The following CFAP44 variants were observed in gnomAD, a reference collection of about 807,000 sequenced individuals.
CFAP44 encodes cilia and flagella associated protein 44, also known as cilia- and flagella-associated protein 44.
In CFAP44, 134 loss-of-function variants were observed where a neutral mutation model predicts 216.2. The ratio of observed to expected loss-of-function variants is 0.62; its 90% CI spans 0.54 to 0.72. The LOEUF (loss-of-function observed/expected upper bound fraction) is 0.72, where lower values mean the gene tolerates loss of function less well. CFAP44 is among the 30% of genes least tolerant of loss of function. The pLI is 0.00. For missense variants in CFAP44, 2,035 were observed against 2,182.1 expected, an observed-to-expected ratio of 0.93 and a Z score of 1.34; for synonymous variants, 700 against 727.6, an observed-to-expected ratio of 0.96 and a Z score of 0.61.
In CFAP44 at chr3:113,373,420, A is replaced by G. The variant is rs562228727; in HGVS notation, c.2435T>C (p.Ile812Thr). 1.3e-6 allele frequency: 2 copies of G among 1,570,514 alleles called. No individual in the cohort carries two copies. The highest frequency in any genetic ancestry group is 8.6e-7 in the Non-Finnish European group (1 of 1,156,908). ...ADTEDNPIQT[I>T]TFNINKVMMF... The stretch of plus-strand genomic sequence containing the variant: ...TTGAAATACTGCTCACTTGAAAGTG[A>G]TAGTTTGGATGGGATTGTCCTCTGT... The change falls in exon 18 of 35, where the codon ATC (isoleucine) becomes ACC (threonine). Residue 812 changes from isoleucine (I) to threonine (T), a missense_variant. By Grantham distance (89) the Ile-to-Thr change is moderately conservative. Transcript: ENST00000393845.
intron 2 of CFAP44, among the ~76,000 whole-genome samples, chr3:113,428,354 C>T (rs1004182438): frequency 2.0e-5 from 3 of 152,048 alleles, no homozygotes; most frequent in Admixed American, 6.6e-5. Flanking sequence ...AAGGAGAAGA[C>T]GTAATAAAAA....
At chr3:113,375,102 T>G (rs1402025309) in intron 17 of CFAP44, among the ~76,000 whole-genome samples, 1 of 152,058 alleles carries the variant, frequency 6.6e-6, no homozygotes, top group Admixed American at 6.6e-5. Context: ...AGATACTATA[T>G]AATTTCACTT....
At chr3:113,401,419 T>C in intron 10 of CFAP44, 132 bp from the exon 11 acceptor site, 1 of 1,200,576 alleles carries the variant, frequency 8.3e-7, no homozygotes, top group Non-Finnish European at 1.2e-6. Flanking sequence ...TAAAGTATAA[T>C]TGAAATTTAA....
intron 17 of CFAP44, among the ~76,000 whole-genome samples, chr3:113,375,817 T>C (rs1312962422): frequency 6.6e-6 from 1 of 151,840 alleles, no homozygotes; most frequent in Admixed American, 6.6e-5. Context: ...TGAGTGAGAC[T>C]CTGTCTCAAA....
chr3:113,310,889 G>A (rs765703270), intron 28 of CFAP44, among the ~76,000 whole-genome samples: 4 of 152,170 alleles, frequency 2.6e-5, no homozygotes, highest in Non-Finnish European at 4.4e-5. Flanking sequence ...TTTGGCTTCT[G>A]ATGTGAGTTA....
At chr3:113,378,256 C>G (rs79278347) in intron 17 of CFAP44, among the ~76,000 whole-genome samples, 12,614 of 152,162 alleles carry the variant, frequency 0.083, 640 homozygotes, top group East Asian at 0.15. Flanking sequence ...TTCCTGAAGG[C>G]AGGAACCATG....
intron 34 of CFAP44, 45 bp from the exon 35 acceptor site, chr3:113,291,793 T>G (rs1239830116): frequency 3.9e-6 from 6 of 1,529,524 alleles, no homozygotes; most frequent in Non-Finnish European, 4.4e-6. Context: ...ATTTGGCATG[T>G]GAAAAACTCC....
intron 1 of CFAP44, among the ~76,000 whole-genome samples, chr3:113,439,425 G>C (rs757633486): frequency 9.2e-5 from 14 of 152,112 alleles, no homozygotes; most frequent in Non-Finnish European, 1.8e-4. Context: ...CCCAACAATT[G>C]CCTGTCCAAC....
At chr3:113,301,925 T>A (rs1358654661) in intron 32 of CFAP44, among the ~76,000 whole-genome samples, 1 of 152,186 alleles carries the variant, frequency 6.6e-6, no homozygotes, top group Non-Finnish European at 1.5e-5. Context: ...CTCCCCAAAC[T>A]GTACCCCAGC....
At chr3:113,419,746 CTA>C (rs1934757053) in intron 5 of CFAP44, among the ~76,000 whole-genome samples, 1 of 152,196 alleles carries the variant, frequency 6.6e-6, no homozygotes, top group East Asian at 1.9e-4. Context: ...ACTTGCACGA[CTA>C]TGGGGAAGTC....
chr3:113,298,498 G>A (rs1033543497), intron 32 of CFAP44, among the ~76,000 whole-genome samples: 4 of 152,146 alleles, frequency 2.6e-5, no homozygotes, highest in Admixed American at 2.6e-4. Flanking sequence ...ATATCCAAAA[G>A]AAATGGAAGC....
At chr3:113,383,537 G>C (rs934444675) in intron 15 of CFAP44, among the ~76,000 whole-genome samples, 2 of 152,114 alleles carry the variant, frequency 1.3e-5, no homozygotes, top group Admixed American at 1.3e-4. Context: ...TAAACATTCA[G>C]TCCATAGTAT....
intron 34 of CFAP44, among the ~76,000 whole-genome samples, chr3:113,291,980 T>G (rs1430241772): frequency 6.6e-6 from 1 of 152,194 alleles, no homozygotes; most frequent in East Asian, 1.9e-4. Flanking sequence ...TGAGTACACT[T>G]TAAGCTAGCT....
chr3:113,423,795 C>T (rs74681966), intron 4 of CFAP44, among the ~76,000 whole-genome samples: 6,214 of 152,252 alleles, frequency 0.041, 414 homozygotes, highest in African/African-American at 0.14. Context: ...TTCAAGAATT[C>T]GGCAGCCTTC....
chr3:113,369,548 G>C (rs911037846), intron 18 of CFAP44, among the ~76,000 whole-genome samples: 1 of 152,194 alleles, frequency 6.6e-6, no homozygotes, highest in South Asian at 2.1e-4. Context: ...AGGACACAAC[G>C]TACCAGAATC....
intron 24 of CFAP44, among the ~76,000 whole-genome samples, chr3:113,339,431 A>G (rs1950310482): frequency 6.6e-6 from 1 of 152,202 alleles, no homozygotes; most frequent in Admixed American, 6.5e-5. Flanking sequence ...TGAGCTGGCC[A>G]TAGGTACCAC....
At chr3:113,303,463 A>G (rs7618847) in intron 32 of CFAP44, among the ~76,000 whole-genome samples, 38,044 of 151,988 alleles carry the variant, frequency 0.25, 4,970 homozygotes, top group African/African-American at 0.32. Flanking sequence ...AAATGATATA[A>G]ATATCATTTT....
chr3:113,439,302 T>G lies in CFAP44; in HGVS notation c.-6+2151A>C, dbSNP rs752220399. Among the ~76,000 whole-genome samples the G allele has an allele frequency of 6.0e-4, 91 of 152,000 alleles. 3 individuals are homozygous for G. Among genetic ancestry groups the G allele is most frequent in the Non-Finnish European group, 1.9e-4 (13 of 67,984 alleles). On this transcript the variant is annotated intron_variant, in intron 1 of 34. Coordinates refer to ENST00000393845, the MANE Select transcript of CFAP44 (RefSeq NM_001164496.2). The stretch of plus-strand genomic sequence containing the variant: ...GCTGGGGAAGGCTATGAAGAATGGG[T>G]TCTCACGCTTGTATGCTGGATAACT...
chr3:113,391,569 C>A (rs1190752506), intron 15 of CFAP44, among the ~76,000 whole-genome samples: 1 of 152,056 alleles, frequency 6.6e-6, no homozygotes, highest in African/African-American at 2.4e-5. Context: ...TTTTAATTCT[C>A]TTCATAAAGT....
Sources: gnomAD v4.1 joint callset for allele counts (sites outside exome capture counted in the v4.1 genomes callset) on GRCh38, gnomAD v4.1.1 for gene constraint, MANE v1.5 for transcripts, NCBI Gene and HGNC (gene_info 2026-07-23, HGNC 2026-07-21) for gene names.